HDAC9: variants seen among roughly 807,000 people sequenced by gnomAD.
HDAC9 encodes the protein histone deacetylase 9.
In HDAC9, 41 loss-of-function variants were observed where a neutral mutation model predicts 139.4. The ratio of observed to expected loss-of-function variants is 0.29; its 90% CI spans 0.23 to 0.38. The LOEUF (loss-of-function observed/expected upper bound fraction) is 0.38, where lower values mean the gene tolerates loss of function less well. Ranked by LOEUF, HDAC9 falls within the 10% of genes least tolerant of loss-of-function variation. HDAC9 has a pLI of 1.00. For synonymous variants in HDAC9, 517 were observed against 476.2 expected, an observed-to-expected ratio of 1.09 and a Z score of -1.12; for missense variants, 1,147 against 1,297.0, an observed-to-expected ratio of 0.88 and a Z score of 1.78.
chr7:18,845,654 C>A (rs1796856791), intron 21 of HDAC9, among the ~76,000 whole-genome samples: 1 of 152,086 alleles, frequency 6.6e-6, no homozygotes, highest in Non-Finnish European at 1.5e-5. Flanking sequence ...TCTCATAGTT[C>A]TTTTTCATAG....
chr7:18,355,769 A>G (rs1489087079), intron 1 of HDAC9, among the ~76,000 whole-genome samples: 1 of 152,214 alleles, frequency 6.6e-6, no homozygotes, highest in African/African-American at 2.4e-5. Flanking sequence ...AAGGCAGGAC[A>G]TTTTGAAGGA....
At chr7:18,960,731 C>T (rs1783472630) in intron 24 of HDAC9, among the ~76,000 whole-genome samples, 1 of 151,994 alleles carries the variant, frequency 6.6e-6, no homozygotes, top group East Asian at 1.9e-4. Flanking sequence ...GTAAAGATAA[C>T]AACCATTGTC....
At chr7:18,178,295 G>C (rs1301538313) in intron 2 of HDAC9, among the ~76,000 whole-genome samples, 1 of 152,188 alleles carries the variant, frequency 6.6e-6, no homozygotes, top group African/African-American at 2.4e-5. Context: ...ATGTTGGCCA[G>C]ACTTGTCTCG....
At chr7:18,366,213 G>A (rs562535500) in intron 1 of HDAC9, among the ~76,000 whole-genome samples, 1 of 152,120 alleles carries the variant, frequency 6.6e-6, no homozygotes, top group African/African-American at 2.4e-5. Context: ...CTGCAGAACT[G>A]CTGTAAGCAA....
intron 2 of HDAC9, among the ~76,000 whole-genome samples, chr7:18,168,893 T>TGTGTGTGTG (rs1170116015): frequency 3.9e-4 from 45 of 116,844 alleles, no homozygotes; most frequent in African/African-American, 1.6e-3. Context: ...TTTTTTTTTT[T>TGTGTGTGTG]TTTTTGTGTG....
chr7:18,962,598 T>G (rs1485224530), intron 24 of HDAC9, among the ~76,000 whole-genome samples: 8 of 152,018 alleles, frequency 5.3e-5, no homozygotes, highest in Admixed American at 5.2e-4. Flanking sequence ...AAAATAAAAC[T>G]ATGCATGCTT....
intron 22 of HDAC9, among the ~76,000 whole-genome samples, chr7:18,899,701 A>G (rs992913047): frequency 2.0e-5 from 3 of 152,014 alleles, no homozygotes; most frequent in Non-Finnish European, 4.4e-5. Context: ...TGAACTATTC[A>G]ATGTAATTTG....
At chr7:18,702,511 C>G (rs953065725) in intron 12 of HDAC9, among the ~76,000 whole-genome samples, 1 of 152,162 alleles carries the variant, frequency 6.6e-6, no homozygotes, top group African/African-American at 2.4e-5. Context: ...TTTTGCTAAA[C>G]ATTAGATGGC....
chr7:18,768,631 A>T (rs1045415094), intron 16 of HDAC9, among the ~76,000 whole-genome samples: 11 of 152,130 alleles, frequency 7.2e-5, no homozygotes, highest in African/African-American at 2.7e-4. Context: ...GTTTTATGAG[A>T]ATGGCTGCCT....
chr7:18,666,377 A>G lies in HDAC9; in HGVS notation c.1632A>G (p.Gln544=), dbSNP rs1794895660. 1 of 1,613,292 alleles carries G rather than the reference A, an allele frequency of 6.2e-7. No homozygotes were observed. The highest frequency in any genetic ancestry group is 1.1e-5 in the South Asian group (1 of 91,080). Reference sequence around the variant, plus strand: ...CTTGTGTGGATGACACACTGGGACAAGTTGGGGCTGTGAAGGTCAAGGAGG... The same window carrying G: ...CTTGTGTGGATGACACACTGGGACAGGTTGGGGCTGTGAAGGTCAAGGAGG... ...SSACVDDTLG[Q]VGAVKVKEEP... Residue 544 remains glutamine (Q), a synonymous_variant, in exon 12 of 26, where the codon CAA becomes CAG. Coordinates refer to ENST00000686413, the MANE Select transcript of HDAC9 (RefSeq NM_178425.4).
intron 2 of HDAC9, among the ~76,000 whole-genome samples, chr7:18,227,484 A>G (rs2128180678): frequency 6.6e-6 from 1 of 152,200 alleles, no homozygotes; most frequent in Non-Finnish European, 1.5e-5. Context: ...AAGTGATTGC[A>G]CAGCAATTTT....
At chr7:18,682,946 A>T (rs1162754975) in intron 12 of HDAC9, among the ~76,000 whole-genome samples, 1 of 151,852 alleles carries the variant, frequency 6.6e-6, no homozygotes, top group Non-Finnish European at 1.5e-5. Context: ...ATACCATTAC[A>T]CTCCAGCCTG....
intron 2 of HDAC9, among the ~76,000 whole-genome samples, chr7:18,547,806 C>CCCTTCCTTCCTTCCTTCCTTCCTTCCTT (rs1233554853): frequency 8.8e-5 from 6 of 68,066 alleles, no homozygotes; most frequent in Non-Finnish European, 1.1e-4. Flanking sequence ...TTCAAGAAAC[C>CCCTTCCTTCCTTCCTTCCTTCCTTCCTT]CCTTCCTTCC....
intron 1 of HDAC9, among the ~76,000 whole-genome samples, chr7:18,430,182 C>G (rs1016418117): frequency 6.6e-6 from 1 of 152,110 alleles, no homozygotes; most frequent in African/African-American, 2.4e-5. Context: ...ACTTGTTCTC[C>G]TAGACTAGTG....
intron 12 of HDAC9, among the ~76,000 whole-genome samples, chr7:18,704,846 G>A (rs890320420): frequency 3.9e-5 from 6 of 152,174 alleles, no homozygotes; most frequent in South Asian, 2.1e-4. Context: ...AAAAAGAAGA[G>A]GAAATTGAAG....
At chr7:18,399,514 C>G (rs1198055788) in intron 1 of HDAC9, among the ~76,000 whole-genome samples, 1 of 152,176 alleles carries the variant, frequency 6.6e-6, no homozygotes, top group African/African-American at 2.4e-5. Flanking sequence ...ACTCAACTTT[C>G]ATTTGTTGTT....
chr7:18,106,222 A>C (rs562350668), intron 1 of HDAC9, among the ~76,000 whole-genome samples: 1 of 152,304 alleles, frequency 6.6e-6, no homozygotes, highest in African/African-American at 2.4e-5. Flanking sequence ...TGTGAATGAT[A>C]CCTCAGAAAA....
At chr7:18,186,055 C>T (rs1410602384) in intron 2 of HDAC9, among the ~76,000 whole-genome samples, 1 of 152,128 alleles carries the variant, frequency 6.6e-6, no homozygotes. Context: ...ATTGAAAACA[C>T]TATGGAGTAA....
chr7:18,782,067 G>A (rs545255530), intron 16 of HDAC9, among the ~76,000 whole-genome samples: 9 of 152,176 alleles, frequency 5.9e-5, no homozygotes, highest in Admixed American at 2.0e-4. Flanking sequence ...GTTTCCAGGG[G>A]CATCTGATCA....
Sources: allele counts gnomAD v4.1 joint callset (sites outside exome capture counted in the v4.1 genomes callset), GRCh38; gene constraint gnomAD v4.1.1; transcripts MANE v1.5; gene names NCBI Gene and HGNC (gene_info 2026-07-23, HGNC 2026-07-21).